The following TCHP variants were observed in gnomAD, a reference collection of about 807,000 sequenced individuals.
TCHP encodes the protein trichoplein keratin filament-binding protein.
Under a neutral mutation model 88.7 loss-of-function variants are expected in TCHP, and 81 were observed. The ratio of observed to expected loss-of-function variants is 0.91; its 90% CI spans 0.76 to 1.10. The LOEUF (loss-of-function observed/expected upper bound fraction) is 1.10, where lower values mean the gene tolerates loss of function less well. Ranked by LOEUF, TCHP falls within the 50% of genes least tolerant of loss-of-function variation. TCHP has a pLI of 0.00. For missense variants in TCHP, 641 were observed against 632.1 expected (o/e 1.01, Z -0.15); for synonymous variants, 232 against 232.5 (o/e 1.00, Z 0.02).
chr12:109,897,249 G>A (rs1055293930), upstream of TCHP, among the ~76,000 whole-genome samples: 1 of 152,254 alleles, frequency 6.6e-6, no homozygotes, highest in South Asian at 2.1e-4. Context: ...GCCAGCAGCT[G>A]TGTAATCAAG....
chr12:109,916,388 T>C (rs1376495700), intron 12 of TCHP, among the ~76,000 whole-genome samples: 2 of 152,210 alleles, frequency 1.3e-5, no homozygotes, highest in South Asian at 2.1e-4. Context: ...TCACAGATCA[T>C]ATGTGAAAGT....
chr12:109,915,226 CA>C (rs1870739864), intron 11 of TCHP, 176 bp from the exon 12 acceptor site: 2 of 788,990 alleles, frequency 2.5e-6, no homozygotes, highest in Admixed American at 4.5e-5. Flanking sequence ...AGGTACACAC[CA>C]TGCATACAGC....
rs936405472 is a variant in TCHP at position 109,915,678 on chromosome 12, TCTC to T, written c.1464+133_1464+135del. On this transcript the variant is annotated intron_variant, in intron 12 of 12. Coordinates refer to ENST00000405876, the MANE Select transcript of TCHP (RefSeq NM_001143852.2). ...CGTCCGGGTTATTCCTTGTTTCTCT[TCTC>T]TTGTATTTCTCTCTTCCCTGACCAG... 97 of 1,117,880 alleles carry T rather than the reference TCTC, an allele frequency of 8.7e-5. 1 individual carries two copies. The highest frequency in any genetic ancestry group is 3.0e-4 in the Middle Eastern group (1 of 3,344). 69.2% of individuals were successfully genotyped at this position (1,117,880 alleles called of 1,614,324 possible).
At chr12:109,894,148 GTAC>G in the TCHP span, among the ~76,000 whole-genome samples, 1 of 151,086 alleles carries the variant, frequency 6.6e-6, no homozygotes. Flanking sequence ...TTACACCACT[GTAC>G]TCTAGCCTGG....
At chr12:109,912,252 C>T (rs780849564) in intron 9 of TCHP, among the ~76,000 whole-genome samples, 2 of 152,186 alleles carry the variant, frequency 1.3e-5, no homozygotes, top group Non-Finnish European at 2.9e-5. Context: ...CTTTACAGGC[C>T]TCATCTTACT....
intron 12 of TCHP, 79 bp downstream of exon 12, chr12:109,915,625 C>G: frequency 5.5e-6 from 8 of 1,464,776 alleles, no homozygotes; most frequent in Non-Finnish European, 7.3e-6. Context: ...GCCTGCTCAT[C>G]GCCCCGCGCC....
upstream of TCHP, among the ~76,000 whole-genome samples, chr12:109,895,785 T>C (rs1263109600): frequency 6.6e-6 from 1 of 152,186 alleles, no homozygotes; most frequent in Non-Finnish European, 1.5e-5. Context: ...CTCCCTGTTC[T>C]TGTTTTCTTC....
chr12:109,913,591 C>T (rs1870632105), intron 10 of TCHP, among the ~76,000 whole-genome samples: 1 of 152,202 alleles, frequency 6.6e-6, no homozygotes, highest in Admixed American at 6.5e-5. Context: ...GGGTAGATGA[C>T]AGCCGTGACC....
At position 109,905,080 on chromosome 12, in the gene TCHP, C is replaced by G; in HGVS notation, c.456+287C>G. The G allele has an allele frequency of 2.3e-6, 1 of 436,234 alleles. No homozygotes were observed. Among genetic ancestry groups the G allele is most frequent in the Non-Finnish European group, 4.2e-6 (1 of 240,656 alleles). 27.0% of individuals were successfully genotyped at this position (436,234 alleles called of 1,614,324 possible). A position where few individuals can be genotyped will look rare whatever the true frequency, so the allele number is the denominator to read the frequency against. ...TTGTGTCCAGCATGGGAGCTCATTA[C>G]AGGGCAGGATGCAGGGTGCTGGGCC... On this transcript the variant is annotated intron_variant, in intron 4 of 12. Transcript: ENST00000405876. This position sits in a 1 kb window ranked among gnomAD's most constrained non-coding sequence, Gnocchi z 4.0.
intron 12 of TCHP, 33 bp from the exon 13 acceptor site, chr12:109,916,558 C>G (rs1314475242): frequency 8.7e-6 from 14 of 1,606,896 alleles, no homozygotes; most frequent in East Asian, 2.2e-5. Flanking sequence ...TACTGCTGAT[C>G]TGATCACTCT....
the TCHP span, among the ~76,000 whole-genome samples, chr12:109,891,291 T>A: frequency 6.6e-6 from 1 of 152,226 alleles, no homozygotes; most frequent in African/African-American, 2.4e-5. Flanking sequence ...TCGCTTATTT[T>A]TATTGGTACT....
At chr12:109,909,080 A>G (rs987495968) in intron 8 of TCHP, 143 bp downstream of exon 8, 6 of 726,074 alleles carry the variant, frequency 8.3e-6, no homozygotes, top group Non-Finnish European at 7.0e-6. Flanking sequence ...CAAAGGATAC[A>G]TCCCTCGGTT....
Position 109,903,864 on chromosome 12 carries a change from C to T in TCHP, c.189-73C>T, listed in dbSNP as rs1252500965. The T allele has an allele frequency of 5.4e-6, 7 of 1,286,694 alleles. No individual in the cohort carries two copies. The highest frequency in any genetic ancestry group is 6.6e-6 in the Non-Finnish European group (6 of 909,058). The allele number at this position is 1,286,694 out of a possible 1,614,324, so 79.7% of individuals were successfully genotyped here. A position where few individuals can be genotyped will look rare whatever the true frequency, so the allele number is the denominator to read the frequency against. ...GACACATCTACCTCAGCCTCTTTTA[C>T]CGACACAGCAGAGCAGAGCACGTTC... is the stretch of plus-strand genomic sequence containing the variant. On this transcript the variant is annotated intron_variant, in intron 2 of 12. Transcript: ENST00000405876. The surrounding 1 kb of genome is among the most constrained non-coding windows in gnomAD (Gnocchi z 4.6).
chr12:109,910,399 C>G (rs999753410), intron 8 of TCHP, among the ~76,000 whole-genome samples: 2 of 152,210 alleles, frequency 1.3e-5, no homozygotes, highest in African/African-American at 4.8e-5. Context: ...TCACTGCAGC[C>G]TCAACCTGCC....
At chr12:109,910,844 A>G (rs1353008878) in intron 8 of TCHP, among the ~76,000 whole-genome samples, 1 of 152,148 alleles carries the variant, frequency 6.6e-6, no homozygotes, top group African/African-American at 2.4e-5. Context: ...TTAGCCAGAG[A>G]GAAGCTCCTA....
intron 12 of TCHP, 76 bp downstream of exon 12, chr12:109,915,622 C>T: frequency 2.0e-6 from 3 of 1,477,372 alleles, no homozygotes; most frequent in Admixed American, 4.7e-5. Flanking sequence ...TGGGCCTGCT[C>T]ATCGCCCCGC....
intron 12 of TCHP, among the ~76,000 whole-genome samples, chr12:109,916,225 A>G (rs1207275086): frequency 1.3e-5 from 2 of 152,214 alleles, no homozygotes; most frequent in Non-Finnish European, 2.9e-5. Context: ...TTGTGGTCAG[A>G]TGACACTGGG....
the TCHP span, among the ~76,000 whole-genome samples, chr12:109,889,913 T>C: frequency 1.3e-5 from 2 of 152,210 alleles, no homozygotes; most frequent in African/African-American, 2.4e-5. Flanking sequence ...CCAATTCTCC[T>C]TGCTGCTTCT....
Position 109,907,534 on chromosome 12 carries a change from C to T in TCHP, c.534C>T (p.Ala178=). The change falls in exon 6 of 13, where the codon GCC becomes GCT. Residue 178 remains alanine, a synonymous_variant. Coordinates refer to ENST00000405876, the MANE Select transcript of TCHP (RefSeq NM_001143852.2). ...MQKEEKKQQE[A]TAEQENKRYE... ...CATTTGGTCCCTTGTAGCAAGAAGCCACCGCAGAGCAAGAGAACAAACGGT... is the reference window on the plus strand; with the variant it reads ...CATTTGGTCCCTTGTAGCAAGAAGCTACCGCAGAGCAAGAGAACAAACGGT... 1.2e-6 allele frequency: 2 copies of T among 1,614,094 alleles called. No homozygotes were observed. The highest frequency in any genetic ancestry group is 1.7e-6 in the Non-Finnish European group (2 of 1,179,978).
Sources: allele counts gnomAD v4.1 joint callset (sites outside exome capture counted in the v4.1 genomes callset), GRCh38; gene constraint gnomAD v4.1.1; non-coding constraint Gnocchi (gnomAD v3.1); transcripts MANE v1.5; gene names NCBI Gene and HGNC (gene_info 2026-07-23, HGNC 2026-07-21).